RECQL5: variants seen among roughly 807,000 people sequenced by gnomAD.
RECQL5 encodes RecQ like helicase 5.
Under a neutral mutation model 103.4 loss-of-function variants are expected in RECQL5, and 88 were observed. The ratio of observed to expected loss-of-function variants is 0.85; its 90% CI spans 0.72 to 1.02. RECQL5 has a LOEUF of 1.02. RECQL5 is among the 50% of genes least tolerant of loss of function. The pLI, the probability that RECQL5 is intolerant of heterozygous loss-of-function variation, is 0.00. For missense variants in RECQL5, 1,232 were observed against 1,284.3 expected (o/e 0.96, Z 0.62); for synonymous variants, 552 against 507.9 (o/e 1.09, Z -1.17).
intron 15 of RECQL5, 82 bp downstream of exon 15, chr17:75,629,626 G>T: frequency 6.6e-7 from 1 of 1,518,414 alleles, no homozygotes; most frequent in Non-Finnish European, 8.9e-7. Context: ...CCAGGCCTTG[G>T]CAAGAGGTGC....
chr17:75,635,633 G>C (rs567497452), intron 8 of RECQL5, among the ~76,000 whole-genome samples: 6 of 152,184 alleles, frequency 3.9e-5, no homozygotes, highest in Non-Finnish European at 8.8e-5. Flanking sequence ...CATCCCCCCC[G>C]GCTGCTCAGG....
chr17:75,649,877 TGATG>T, intron 8 of RECQL5: 2 of 985,526 alleles, frequency 2.0e-6, no homozygotes, highest in Non-Finnish European at 1.2e-6. Context: ...ACCAGGCCAC[TGATG>T]CACTAAGAAG....
In RECQL5 at chr17:75,658,444, T is replaced by G. The variant is rs757967452; in HGVS notation, c.1003A>C (p.Asn335His). Reference sequence around the variant, plus strand: ...TACCCAGCCATAGACTTGGCAATATTCCAATGGGCGACAAACCTGTAGGAT... The same window carrying G: ...TACCCAGCCATAGACTTGGCAATATGCCAATGGGCGACAAACCTGTAGGAT... ...KANVRFVAHW[N>H]IAKSMAGYYQ... Residue 335 changes from asparagine (N) to histidine (H), a missense_variant, in exon 7 of 20, where the codon AAT (asparagine) becomes CAT (histidine). Physicochemically the swap from Asn to His is moderately conservative, Grantham distance 68 (BLOSUM62 1). Coordinates refer to ENST00000317905, the MANE Select transcript of RECQL5 (RefSeq NM_004259.7). 1.2e-5 allele frequency: 20 copies of G among 1,613,496 alleles called. No individual in the cohort carries two copies. Among genetic ancestry groups the G allele is most frequent in the Admixed American group, 3.3e-5 (2 of 59,976 alleles).
At chr17:75,631,054 G>T in intron 10 of RECQL5, 44 bp from the exon 11 acceptor site, 1 of 1,612,700 alleles carries the variant, frequency 6.2e-7, no homozygotes, top group East Asian at 2.2e-5. Context: ...CTGCCCTGCC[G>T]CAGGACAGTC....
chr17:75,647,501 C>T (rs1332160375), intron 8 of RECQL5: 15 of 1,550,384 alleles, frequency 9.7e-6, no homozygotes, highest in Non-Finnish European at 1.3e-5. Context: ...ATCTTATTTG[C>T]CATCGTGTTT....
intron 11 of RECQL5, 47 bp downstream of exon 11, chr17:75,630,927 T>C (rs909311050): frequency 6.2e-7 from 1 of 1,606,166 alleles, no homozygotes; most frequent in Admixed American, 1.7e-5. Context: ...CCTCCCTCCA[T>C]GCCCCGGGAA....
chr17:75,664,912 C>CAA (rs371470695), intron 3 of RECQL5, 139 bp downstream of exon 3: 6,010 of 920,118 alleles, frequency 6.5e-3, no homozygotes, highest in African/African-American at 8.2e-3. Flanking sequence ...GACTCTGTCT[C>CAA]AAAAAAAAAA....
chr17:75,662,659 T>G lies in RECQL5; in HGVS notation c.591A>C (p.Pro197=), dbSNP rs538904547. The change falls in exon 4 of 20, where the codon CCA becomes CCC. Residue 197 remains proline (P), a synonymous_variant. Coordinates refer to ENST00000317905, the MANE Select transcript of RECQL5 (RefSeq NM_004259.7). The part of the protein sequence containing the change: ...PCVALTATAT[P]QVQEDVFAAL... ...CAGCAAACACGTCCTCTTGGACCTG[T>G]GGGGTGGCTGTGGCGGTCAGAGCCA... The G allele has an allele frequency of 3.3e-5, 54 of 1,614,106 alleles. No homozygotes were observed. In the African/African-American group the frequency reaches 5.9e-4, roughly 18 times the overall value.
intron 8 of RECQL5, chr17:75,650,421 T>C (rs2059539881): frequency 1.5e-6 from 2 of 1,317,838 alleles, no homozygotes; most frequent in Admixed American, 3.1e-5. Context: ...TGTATGCAAA[T>C]GAGGACGCCA....
At chr17:75,631,698 G>C (rs1306379267) in intron 8 of RECQL5, 30 bp from the exon 9 acceptor site, 3 of 1,598,580 alleles carry the variant, frequency 1.9e-6, no homozygotes, top group Non-Finnish European at 2.6e-6. Context: ...AGAGGTGAGG[G>C]GCGGAGAGCC....
At chr17:75,632,489 T>C (rs1276982777) in intron 8 of RECQL5, among the ~76,000 whole-genome samples, 3 of 152,254 alleles carry the variant, frequency 2.0e-5, no homozygotes, top group Admixed American at 2.0e-4. Context: ...TGTGTAGTAA[T>C]ATGTCCCATC....
At chr17:75,632,514 G>T (rs2059237501) in intron 8 of RECQL5, among the ~76,000 whole-genome samples, 1 of 152,248 alleles carries the variant, frequency 6.6e-6, no homozygotes, top group East Asian at 1.9e-4. Context: ...ACCCGTGAGG[G>T]TGTCACAGGT....
Position 75,662,670 on chromosome 17 carries a change from T to C in RECQL5, c.580A>G (p.Thr194Ala). 1 of 1,614,114 alleles carries C rather than the reference T, an allele frequency of 6.2e-7. No individual in the cohort carries two copies. The highest frequency in any genetic ancestry group is 1.3e-5 in the African/African-American group (1 of 75,052). ...TCCTCTTGGACCTGTGGGGTGGCTG[T>C]GGCGGTCAGAGCCACACAAGGGGCA... Reference protein sequence around the residue: ...GHAPCVALTATATPQVQEDVF... With the variant: ...GHAPCVALTAAATPQVQEDVF... The change falls in exon 4 of 20, where the codon ACA (threonine) becomes GCA (alanine). Residue 194 changes from threonine (T) to alanine (A), a missense_variant. Coordinates refer to ENST00000317905, the MANE Select transcript of RECQL5 (RefSeq NM_004259.7).
chr17:75,663,517 A>C (rs2059726492), intron 3 of RECQL5, among the ~76,000 whole-genome samples: 1 of 152,128 alleles, frequency 6.6e-6, no homozygotes, highest in African/African-American at 2.4e-5. Flanking sequence ...GTCAGCACTA[A>C]AATTTTTTGG....
intron 4 of RECQL5, among the ~76,000 whole-genome samples, chr17:75,662,212 C>A (rs1293383708): frequency 6.6e-6 from 1 of 152,164 alleles, no homozygotes; most frequent in Non-Finnish European, 1.5e-5. Context: ...TTTAACTTCT[C>A]TGCCTCCTCT....
At position 75,627,174 on chromosome 17, in the gene RECQL5, T is replaced by G. The variant is rs187993030; in HGVS notation, c.*248A>C. ...CACCCTCCACCTTCTGTCCTCGACA[T>G]GTGTCCCAGAAAACCCAGCCATGAG... On this transcript the variant is annotated 3_prime_UTR_variant, in exon 20 of 20. Coordinates refer to ENST00000317905, the MANE Select transcript of RECQL5 (RefSeq NM_004259.7). 7 of 617,216 alleles carry G rather than the reference T, an allele frequency of 1.1e-5. No homozygotes were observed. Among genetic ancestry groups the G allele is most frequent in the Admixed American group, 6.4e-5 (3 of 47,000 alleles). The allele number at this position is 617,216 out of a possible 1,614,324, so 38.2% of individuals were successfully genotyped here.
In RECQL5 at chr17:75,629,748, G is replaced by A; in HGVS notation, c.1907C>T (p.Pro636Leu). The A allele has an allele frequency of 6.2e-7, 1 of 1,613,568 alleles. No homozygotes were observed. Among genetic ancestry groups the A allele is most frequent in the Non-Finnish European group, 8.5e-7 (1 of 1,179,758 alleles). ...GGCTGGTGGAATGTCATACTCATTG[G>A]GCTCCGGGGGCTCAGCTTGGGCACT... is the stretch of plus-strand genomic sequence containing the variant. ...SCSAQAEPPE[P>L]NEYDIPPASH... The change falls in exon 15 of 20, where the codon CCC becomes CTC. Residue 636 changes from proline to leucine, a missense_variant. Physicochemically the swap from Pro to Leu is moderately conservative, Grantham distance 98. Coordinates refer to ENST00000317905, the MANE Select transcript of RECQL5 (RefSeq NM_004259.7).
Position 75,661,589 on chromosome 17 carries a change from G to T in RECQL5, c.874+17C>A. The T allele has an allele frequency of 6.3e-7, 1 of 1,592,700 alleles. No individual in the cohort carries two copies. Among genetic ancestry groups the T allele is most frequent in the Non-Finnish European group, 8.6e-7 (1 of 1,160,988 alleles). Reference sequence around the variant, plus strand: ...CTCTGAGGGTGAAGAGACTCAAGTGGCCTGGGTGCCCCTTACCTGCATGGT... The same window carrying T: ...CTCTGAGGGTGAAGAGACTCAAGTGTCCTGGGTGCCCCTTACCTGCATGGT... On this transcript the variant is annotated intron_variant, in intron 5 of 19. Coordinates refer to ENST00000317905, the MANE Select transcript of RECQL5 (RefSeq NM_004259.7).
intron 8 of RECQL5, chr17:75,641,168 T>A: frequency 2.3e-6 from 1 of 443,426 alleles, no homozygotes; most frequent in Non-Finnish European, 4.0e-6. Flanking sequence ...CTTCTTCGCC[T>A]ACCTGCACTT....
Sources: allele counts gnomAD v4.1 joint callset (sites outside exome capture counted in the v4.1 genomes callset), GRCh38; gene constraint gnomAD v4.1.1; transcripts MANE v1.5; gene names NCBI Gene and HGNC (gene_info 2026-07-23, HGNC 2026-07-21).